Variants in PHLDB2 observed in about 807,000 individuals in gnomAD.
The protein encoded by PHLDB2 is pleckstrin homology like domain family B member 2, also known as pleckstrin homology-like domain family B member 2.
Under a neutral mutation model 123.6 loss-of-function variants are expected in PHLDB2, and 71 were observed. That is an observed-to-expected ratio of 0.57 (90% CI 0.47 to 0.70). The LOEUF (loss-of-function observed/expected upper bound fraction) is 0.70, where lower values mean the gene tolerates loss of function less well. PHLDB2 is among the 30% of genes least tolerant of loss of function. PHLDB2 has a pLI of 0.00. For synonymous variants in PHLDB2, 547 were observed against 541.6 expected (o/e 1.01, Z -0.14); for missense variants, 1,446 against 1,519.5 (o/e 0.95, Z 0.80).
chr3:111,739,989 T>C (rs1462344860), intron 1 of PHLDB2, among the ~76,000 whole-genome samples: 1 of 152,162 alleles, frequency 6.6e-6, no homozygotes, highest in Non-Finnish European at 1.5e-5. Flanking sequence ...ATTTTACTTC[T>C]GTTTGCTCTC....
At chr3:111,823,741 T>C (rs1346129981) in intron 1 of PHLDB2, among the ~76,000 whole-genome samples, 1 of 152,206 alleles carries the variant, frequency 6.6e-6, no homozygotes, top group Non-Finnish European at 1.5e-5. Flanking sequence ...GGTCATTATA[T>C]AATGAAGAAA....
intron 1 of PHLDB2, among the ~76,000 whole-genome samples, chr3:111,879,753 G>A (rs1327418544): frequency 6.6e-6 from 1 of 152,056 alleles, no homozygotes; most frequent in Non-Finnish European, 1.5e-5. Flanking sequence ...TCATAGAAGG[G>A]TCCACGTTGT....
rs187433015 is a variant in PHLDB2, at chr3:111,872,961, A to G, written c.-14-11103A>G. On this transcript the variant is annotated intron_variant, in intron 1 of 17. Transcript: ENST00000431670. ...TAAATCTCTAAATGCAGAACCTTTT[A>G]TACATTCTAAACAGGACCAATAAGC... Among the ~76,000 whole-genome samples the G allele has an allele frequency of 3.3e-5, 5 of 152,338 alleles. No individual in the cohort carries two copies. The East Asian group carries it at 5.8e-4, about 18-fold the overall frequency.
At chr3:111,787,040 G>C (rs1400604047) in intron 1 of PHLDB2, among the ~76,000 whole-genome samples, 1 of 152,108 alleles carries the variant, frequency 6.6e-6, no homozygotes, top group African/African-American at 2.4e-5. Context: ...ATTGATTCAA[G>C]GGCAATTAAA....
chr3:111,750,076 A>C (rs2059743754), intron 1 of PHLDB2, among the ~76,000 whole-genome samples: 1 of 152,232 alleles, frequency 6.6e-6, no homozygotes, highest in African/African-American at 2.4e-5. Flanking sequence ...AAGTTTTTAC[A>C]AAGGATTAAG....
At chr3:111,962,377 G>A in intron 13 of PHLDB2, 65 bp downstream of exon 13, 2 of 1,508,868 alleles carry the variant, frequency 1.3e-6, no homozygotes, top group East Asian at 4.5e-5. Context: ...AAAAAGTAAA[G>A]CCATCAATTT....
At chr3:111,922,995 C>T (rs1188256034) in intron 5 of PHLDB2, among the ~76,000 whole-genome samples, 3 of 152,176 alleles carry the variant, frequency 2.0e-5, no homozygotes, top group Admixed American at 6.5e-5. Context: ...TCTCTCTTTA[C>T]TGTCAGCATG....
In PHLDB2 at chr3:111,885,276, A is replaced by C; in HGVS notation, c.1199A>C (p.Gln400Pro). The C allele has an allele frequency of 6.2e-7, 1 of 1,614,194 alleles. No homozygotes were observed. The highest frequency in any genetic ancestry group is 8.5e-7 in the Non-Finnish European group (1 of 1,180,032). The change falls in exon 2 of 18, where the codon CAG becomes CCG. Residue 400 changes from glutamine to proline, a missense_variant. Physicochemically the swap from Gln to Pro is moderately conservative, Grantham distance 76 (BLOSUM62 -1). This residue lies in a region of PHLDB2 where 832 missense variants were observed against 831.9 expected (regional missense o/e 1.00). Transcript: ENST00000431670. Reference protein sequence around the residue: ...FDEADLESLRQASGTPQPALR... With the variant: ...FDEADLESLRPASGTPQPALR... ...GAGGCAGATTTGGAAAGCCTCAGAC[A>C]GGCCTCAGGAACCCCCCAGCCTGCC...
chr3:111,748,287 G>A (rs977567006), intron 1 of PHLDB2, among the ~76,000 whole-genome samples: 1 of 152,128 alleles, frequency 6.6e-6, no homozygotes, highest in Non-Finnish European at 1.5e-5. Context: ...AATCTCTAAA[G>A]GTTCACTGGA....
At chr3:111,786,489 G>T (rs2060685565) in intron 1 of PHLDB2, among the ~76,000 whole-genome samples, 1 of 152,128 alleles carries the variant, frequency 6.6e-6, no homozygotes, top group Non-Finnish European at 1.5e-5. Context: ...GACCTCTAAG[G>T]CCTCTTCCAA....
At chr3:111,786,766 C>A (rs4682314) in intron 1 of PHLDB2, among the ~76,000 whole-genome samples, 65,458 of 151,816 alleles carry the variant, frequency 0.43, 17,364 homozygotes, top group East Asian at 0.77. Flanking sequence ...ACTAAAATAT[C>A]ATTACCAGAT....
intron 2 of PHLDB2, among the ~76,000 whole-genome samples, chr3:111,889,307 T>C (rs565028471): frequency 6.6e-6 from 1 of 152,338 alleles, no homozygotes; most frequent in Admixed American, 6.5e-5. Flanking sequence ...TTCTTAAAAG[T>C]TGTATTTACC....
chr3:111,905,950 A>G (rs1266384049), intron 2 of PHLDB2, among the ~76,000 whole-genome samples: 1 of 152,164 alleles, frequency 6.6e-6, no homozygotes, highest in Non-Finnish European at 1.5e-5. Context: ...GAATGTCGTT[A>G]TGTGTGCAGA....
At chr3:111,850,167 G>A (rs1019700859) in intron 2 of PHLDB2, among the ~76,000 whole-genome samples, 12 of 152,066 alleles carry the variant, frequency 7.9e-5, no homozygotes, top group Non-Finnish European at 5.9e-5. Context: ...AGCCGCTGGA[G>A]GCCATTATTC....
At chr3:111,938,381 C>T (rs1190144285) in intron 6 of PHLDB2, among the ~76,000 whole-genome samples, 1 of 151,908 alleles carries the variant, frequency 6.6e-6, no homozygotes. Context: ...ACCTAGAGCC[C>T]ATGTCCAAAA....
intron 12 of PHLDB2, among the ~76,000 whole-genome samples, chr3:111,961,728 T>C (rs547844110): frequency 2.0e-5 from 3 of 152,276 alleles, no homozygotes; most frequent in Admixed American, 2.0e-4. Context: ...CCTAAAACCC[T>C]GGTTTTGCTT....
At chr3:111,837,644 T>C (rs1417551135) in intron 1 of PHLDB2, among the ~76,000 whole-genome samples, 1 of 152,206 alleles carries the variant, frequency 6.6e-6, no homozygotes, top group Admixed American at 6.5e-5. Context: ...TATGGGATCA[T>C]TCTGTTAAAC....
At chr3:111,849,829 G>C (rs1394347907) in intron 2 of PHLDB2, among the ~76,000 whole-genome samples, 1 of 152,034 alleles carries the variant, frequency 6.6e-6, no homozygotes, top group South Asian at 2.1e-4. Context: ...ATGAAATAAT[G>C]TCTTTTCCAG....
intron 1 of PHLDB2, among the ~76,000 whole-genome samples, chr3:111,823,665 A>C (rs773107006): frequency 5.9e-5 from 9 of 152,236 alleles, no homozygotes; most frequent in Non-Finnish European, 1.0e-4. Context: ...CAGCAAACTT[A>C]AATGACAGAC....
Sources: gnomAD v4.1 joint callset for allele counts (sites outside exome capture counted in the v4.1 genomes callset) on GRCh38, gnomAD v4.1.1 for gene constraint, gnomAD v4.1.1 regional missense constraint, MANE v1.5 for transcripts, NCBI Gene and HGNC (gene_info 2026-07-23, HGNC 2026-07-21) for gene names.